INTS3: variants seen among roughly 807,000 people sequenced by gnomAD.
INTS3 encodes the protein integrator complex subunit 3, also known as SOSS complex subunit A.
In INTS3, 34 loss-of-function variants were observed where a neutral mutation model predicts 146.3. The ratio of observed to expected loss-of-function variants is 0.23; its 90% CI spans 0.18 to 0.31. INTS3 has a LOEUF of 0.31. Among genes scored for constraint, INTS3 ranks in the 10% least tolerant of loss-of-function variants. The pLI, the probability that INTS3 is intolerant of heterozygous loss-of-function variation, is 1.00. For synonymous variants in INTS3, 475 were observed against 494.9 expected (o/e 0.96, Z 0.53); for missense variants, 757 against 1,304.2 (o/e 0.58, Z 6.46).
intron 14 of INTS3, among the ~76,000 whole-genome samples, chr1:153,761,967 T>C (rs1375224795): frequency 2.0e-5 from 3 of 152,282 alleles, no homozygotes; most frequent in Non-Finnish European, 4.4e-5. Context: ...ATATTTACAA[T>C]ATTTATCTCA....
chr1:153,765,079 A>G lies in INTS3; in HGVS notation c.2090+16A>G. On this transcript the variant is annotated intron_variant, in intron 20 of 29. Transcript: ENST00000318967. Reference sequence around the variant, plus strand: ...TGAGGGCCAGGTGGGTATGGTCCCCATGTTTCAAATGGTGTCAGGACACAT... The same window carrying G: ...TGAGGGCCAGGTGGGTATGGTCCCCGTGTTTCAAATGGTGTCAGGACACAT... The G allele has an allele frequency of 6.2e-7, 1 of 1,613,928 alleles. No homozygotes were observed. The highest frequency in any genetic ancestry group is 8.5e-7 in the Non-Finnish European group (1 of 1,179,904).
chr1:153,761,385 C>T (rs1026309403), intron 13 of INTS3, 185 bp from the exon 14 acceptor site: 15 of 580,694 alleles, frequency 2.6e-5, no homozygotes, highest in Non-Finnish European at 4.3e-5. Context: ...TGGTGCACAC[C>T]TGTAATCCTA....
chr1:153,759,738 C>G, intron 11 of INTS3, 125 bp downstream of exon 11: 1 of 679,798 alleles, frequency 1.5e-6, no homozygotes, highest in South Asian at 1.7e-5. Context: ...GGGAGCAGCT[C>G]TGTTGTTCCT....
In INTS3 at chr1:153,746,494, G is replaced by A. The variant is rs556800129; in HGVS notation, c.319-463G>A. On this transcript the variant is annotated intron_variant, in intron 3 of 29. Coordinates refer to ENST00000318967, the MANE Select transcript of INTS3 (RefSeq NM_023015.5). The stretch of plus-strand genomic sequence containing the variant: ...CCGCTCACTGCAAACTCCGCCTCCC[G>A]GGCTCACACCATTCTCCTGCCTCAG... 4.6e-5 allele frequency among the ~76,000 whole-genome samples: 7 copies of A among 152,102 alleles called. No homozygotes were observed. The East Asian group carries it at 5.8e-4, about 13-fold the overall frequency.
At chr1:153,738,893 C>CTT (rs59978263) in intron 1 of INTS3, among the ~76,000 whole-genome samples, 4 of 135,070 alleles carry the variant, frequency 3.0e-5, no homozygotes, top group Admixed American at 7.4e-5. Flanking sequence ...TATTAAGTGT[C>CTT]TTTTTTTTTT....
At chr1:153,732,548 C>T (rs1671112097) in intron 1 of INTS3, among the ~76,000 whole-genome samples, 2 of 151,738 alleles carry the variant, frequency 1.3e-5, no homozygotes, top group African/African-American at 2.4e-5. Context: ...TGTGTTCAAG[C>T]GATTCTCCTG....
Position 153,773,682 on chromosome 1 carries a change from G to A in INTS3, c.*412G>A, listed in dbSNP as rs1459751433. ...GCTAGGATGAGAGCAGAGACTCAGT[G>A]TGTGGGTGTCCCTTCCTGCTTCCCC... On this transcript the variant is annotated 3_prime_UTR_variant, in exon 30 of 30. Transcript: ENST00000318967. The A allele has an allele frequency of 4.1e-6, 1 of 242,360 alleles. No homozygotes were observed. The highest frequency in any genetic ancestry group is 2.2e-5 in the African/African-American group (1 of 44,770). 15.0% of individuals were successfully genotyped at this position (242,360 alleles called of 1,614,324 possible). A position where few individuals can be genotyped will look rare whatever the true frequency, so the allele number is the denominator to read the frequency against.
At chr1:153,761,384 C>CTTGAGAGG (rs1672376890) in intron 13 of INTS3, 186 bp from the exon 14 acceptor site, 1 of 580,474 alleles carries the variant, frequency 1.7e-6, no homozygotes, top group Admixed American at 3.1e-5. Flanking sequence ...ATGGTGCACA[C>CTTGAGAGG]CTGTAATCCT....
chr1:153,762,778 A>G lies in INTS3; in HGVS notation c.1567A>G (p.Lys523Glu). 2 of 1,614,158 alleles carry G rather than the reference A, an allele frequency of 1.2e-6. No homozygotes were observed. Among genetic ancestry groups the G allele is most frequent in the Non-Finnish European group, 1.7e-6 (2 of 1,180,018 alleles). Residue 523 changes from lysine to glutamate, a missense_variant, in exon 15 of 30, where the codon AAG (lysine) becomes GAG (glutamate). By Grantham distance (56) the Lys-to-Glu change is moderately conservative. Transcript: ENST00000318967. ...GGAGATGGACAACCATATGTCGGAT[A>G]AGGATGAGAGTTGCTATGACAATGC... is the stretch of plus-strand genomic sequence containing the variant. ...SMEMDNHMSD[K>E]DESCYDNAEA...
At chr1:153,754,228 C>G (rs1315010397) in intron 8 of INTS3, among the ~76,000 whole-genome samples, 1 of 152,186 alleles carries the variant, frequency 6.6e-6, no homozygotes, top group Non-Finnish European at 1.5e-5. Flanking sequence ...ACAATAGGAT[C>G]TGGATCCACA....
chr1:153,756,573 T>C (rs2101810773), intron 9 of INTS3, among the ~76,000 whole-genome samples: 1 of 152,070 alleles, frequency 6.6e-6, no homozygotes, highest in Admixed American at 6.5e-5. Flanking sequence ...CTCAGTACTT[T>C]GGGAGGCCAA....
intron 1 of INTS3, among the ~76,000 whole-genome samples, chr1:153,734,112 A>G (rs1030954456): frequency 1.3e-5 from 2 of 151,768 alleles, no homozygotes; most frequent in Non-Finnish European, 2.9e-5. Flanking sequence ...TTAGTTCAGG[A>G]GCTCCTAGAG....
At chr1:153,752,460 A>T (rs530942109) in intron 8 of INTS3, 52 bp downstream of exon 8, 1 of 1,564,400 alleles carries the variant, frequency 6.4e-7, no homozygotes, top group East Asian at 2.3e-5. Context: ...TTCAATGTGT[A>T]TGTCTTGCTT....
At chr1:153,740,848 C>A in intron 2 of INTS3, 114 bp downstream of exon 2, 1 of 821,762 alleles carries the variant, frequency 1.2e-6, no homozygotes. Context: ...TTCATCAAGT[C>A]TTGGCTCCCT....
chr1:153,732,156 G>GAT (rs1224983707), intron 1 of INTS3, among the ~76,000 whole-genome samples: 1 of 151,984 alleles, frequency 6.6e-6, no homozygotes, highest in Non-Finnish European at 1.5e-5. Flanking sequence ...ACCTGCCTTG[G>GAT]CCTTCCAAAT....
rs151269302 is a variant in INTS3, at chr1:153,771,461, T to C, written c.2553-335T>C. ...GCCCACAGCTTTAGCAGGGTAGGGG[T>C]AGGGGAGCATCTGCATGCCACATGC... On this transcript the variant is annotated intron_variant, in intron 25 of 29. Transcript: ENST00000318967. Among the ~76,000 whole-genome samples the C allele has an allele frequency of 9.7e-3, 1,471 of 151,658 alleles. 10 individuals are homozygous for C. The highest frequency in any genetic ancestry group is 0.015 in the Non-Finnish European group (1,037 of 67,888).
intron 3 of INTS3, among the ~76,000 whole-genome samples, chr1:153,742,692 T>C (rs1056373103): frequency 1.6e-4 from 24 of 152,354 alleles, no homozygotes; most frequent in African/African-American, 5.8e-4. Context: ...TATTTCTAGC[T>C]CTTTGCCTGG....
rs12062984 is a variant in INTS3 at position 153,764,850 on chromosome 1, G to A, written c.1971-94G>A. The A allele has an allele frequency of 1.2e-5, 18 of 1,557,408 alleles. No homozygotes were observed. The African/African-American group carries it at 2.0e-4, about 18-fold the overall frequency. On this transcript the variant is annotated intron_variant, in intron 19 of 29. Transcript: ENST00000318967. ...CTTTCCAGGGAGGAGGACATATGCT[G>A]TGGGCACAGACAGCCCATGCCACCT...
intron 10 of INTS3, 151 bp from the exon 11 acceptor site, chr1:153,759,375 A>G: frequency 1.4e-6 from 1 of 694,286 alleles, no homozygotes; most frequent in Admixed American, 2.0e-5. Context: ...CATACACAAC[A>G]CAAGGGGGGT....
Sources: allele counts gnomAD v4.1 joint callset (sites outside exome capture counted in the v4.1 genomes callset), GRCh38; gene constraint gnomAD v4.1.1; transcripts MANE v1.5; gene names NCBI Gene and HGNC (gene_info 2026-07-23, HGNC 2026-07-21).